Variants in NAALADL2 observed in about 807,000 individuals in gnomAD.
NAALADL2 encodes inactive N-acetylated-alpha-linked acidic dipeptidase-like protein 2.
Under a neutral mutation model 87.2 loss-of-function variants are expected in NAALADL2, and 76 were observed. The ratio of observed to expected loss-of-function variants is 0.87; its 90% confidence interval spans 0.72 to 1.05. The LOEUF is 1.05. Ranked by LOEUF, NAALADL2 falls within the 50% of genes least tolerant of loss-of-function variation. The probability of loss-of-function intolerance (pLI) is 0.00; values close to 1 mark genes in which losing one functional copy is unlikely to be tolerated. For synonymous variants in NAALADL2, 354 were observed against 331.0 expected, an observed-to-expected ratio of 1.07 and a Z score of -0.75; for missense variants, 1,089 against 945.8, an observed-to-expected ratio of 1.15 and a Z score of -1.99.
intron 2 of NAALADL2, among the ~76,000 whole-genome samples, chr3:175,214,404 G>A (rs1347144047): frequency 6.6e-6 from 1 of 152,116 alleles, no homozygotes; most frequent in Non-Finnish European, 1.5e-5. Flanking sequence ...GTAAAGGATG[G>A]ATTCCGTCAT....
chr3:174,882,844 C>CATATGTGTATATATACATATGTGT (rs1560319988), intron 1 of NAALADL2, among the ~76,000 whole-genome samples: 6 of 88,392 alleles, frequency 6.8e-5, no homozygotes, highest in Admixed American at 2.3e-4. Flanking sequence ...TGTATATGTG[C>CATATGTGTATATATACATATGTGT]ATATGTGTAT....
chr3:174,905,239 G>A (rs964061120), intron 1 of NAALADL2, among the ~76,000 whole-genome samples: 2 of 149,916 alleles, frequency 1.3e-5, no homozygotes, highest in African/African-American at 2.4e-5. Context: ...ATGATTATGC[G>A]TGTGTTGTAT....
chr3:175,366,026 C>A (rs1379602620), intron 5 of NAALADL2, among the ~76,000 whole-genome samples: 1 of 81,694 alleles, frequency 1.2e-5, no homozygotes, highest in Non-Finnish European at 2.4e-5. Context: ...CCCCCTCCCC[C>A]CACCCCAGAG....
intron 3 of NAALADL2, among the ~76,000 whole-genome samples, chr3:174,842,489 C>T (rs939851300): frequency 1.3e-5 from 2 of 152,138 alleles, no homozygotes; most frequent in Non-Finnish European, 2.9e-5. Flanking sequence ...AGTGGACTTA[C>T]ATGAAGGAAG....
At chr3:175,116,076 C>A (rs77608266) in intron 2 of NAALADL2, among the ~76,000 whole-genome samples, 1 of 151,810 alleles carries the variant, frequency 6.6e-6, no homozygotes, top group Non-Finnish European at 1.5e-5. Context: ...ATTGATGGGA[C>A]GTGTCTCAAA....
chr3:174,980,715 TATA>T (rs1744996958), intron 1 of NAALADL2, among the ~76,000 whole-genome samples: 1 of 152,182 alleles, frequency 6.6e-6, no homozygotes, highest in South Asian at 2.1e-4. Flanking sequence ...GATTTTTAAT[TATA>T]ATACATAGGG....
At chr3:174,647,882 C>G (rs1275582047) in intron 2 of NAALADL2, among the ~76,000 whole-genome samples, 1 of 152,126 alleles carries the variant, frequency 6.6e-6, no homozygotes, top group Non-Finnish European at 1.5e-5. Flanking sequence ...AAGTCTCATT[C>G]CAAAACATTC....
At chr3:175,434,086 A>G (rs1718235679) in intron 5 of NAALADL2, among the ~76,000 whole-genome samples, 1 of 152,016 alleles carries the variant, frequency 6.6e-6, no homozygotes, top group Admixed American at 6.6e-5. Flanking sequence ...TAATATTGTA[A>G]GAAACCAGGA....
intron 13 of NAALADL2, among the ~76,000 whole-genome samples, chr3:175,790,132 A>C (rs578193803): frequency 9.8e-5 from 15 of 152,310 alleles, no homozygotes; most frequent in African/African-American, 3.6e-4. Context: ...TTTTCTCTTC[A>C]TTTTGATAAC....
chr3:175,596,758 A>G (rs1424849807), intron 10 of NAALADL2, among the ~76,000 whole-genome samples: 4 of 151,930 alleles, frequency 2.6e-5, no homozygotes, highest in Admixed American at 6.6e-5. Flanking sequence ...TCAGTATGTA[A>G]TATTTTATGA....
At chr3:175,741,623 A>C (rs1745249343) in intron 12 of NAALADL2, among the ~76,000 whole-genome samples, 1 of 152,080 alleles carries the variant, frequency 6.6e-6, no homozygotes, top group South Asian at 2.1e-4. Flanking sequence ...AAAAACCATG[A>C]AAATATAACT....
chr3:174,721,566 A>G (rs1731713803), intron 2 of NAALADL2, among the ~76,000 whole-genome samples: 2 of 152,344 alleles, frequency 1.3e-5, no homozygotes, highest in South Asian at 2.1e-4. Flanking sequence ...TAATAAAATA[A>G]CGTTTGTGTC....
At chr3:175,187,187 A>G (rs1475954771) in intron 2 of NAALADL2, among the ~76,000 whole-genome samples, 2 of 152,092 alleles carry the variant, frequency 1.3e-5, no homozygotes, top group Non-Finnish European at 2.9e-5. Flanking sequence ...TATTTATTTG[A>G]TCATTCATTA....
At chr3:175,762,976 C>T (rs1583150642) in intron 13 of NAALADL2, among the ~76,000 whole-genome samples, 1 of 151,838 alleles carries the variant, frequency 6.6e-6, no homozygotes, top group African/African-American at 2.4e-5. Flanking sequence ...CCCAGGTACT[C>T]GGGAAGCTGA....
intron 2 of NAALADL2, among the ~76,000 whole-genome samples, chr3:174,596,286 C>T (rs528778900): frequency 6.6e-6 from 1 of 152,156 alleles, no homozygotes; most frequent in Non-Finnish European, 1.5e-5. Flanking sequence ...AATTCCTTAA[C>T]TTACTGGGCC....
At chr3:175,521,275 C>G (rs79632344) in intron 9 of NAALADL2, among the ~76,000 whole-genome samples, 8,785 of 151,738 alleles carry the variant, frequency 0.058, 318 homozygotes, top group African/African-American at 0.088. Flanking sequence ...ACTATTTTAA[C>G]TTGAGACAAA....
At position 175,667,189 on chromosome 3, in the gene NAALADL2, AAG is replaced by A. The variant is rs1491471102; in HGVS notation, c.1896+39805_1896+39806del. On this transcript the variant is annotated intron_variant, in intron 11 of 13. Coordinates refer to ENST00000454872, the MANE Select transcript of NAALADL2 (RefSeq NM_207015.3). ...AGAAAGAAAGAAAGAAAGAGAAAGA[AAG>A]AAAGAAAGAAAGAAAGAAAGAAAGA... is the stretch of plus-strand genomic sequence containing the variant. 5.9e-3 allele frequency among the ~76,000 whole-genome samples: 492 copies of A among 82,782 alleles called. 3 individuals are homozygous for A. Among genetic ancestry groups the A allele is most frequent in the African/African-American group, 0.033 (463 of 14,124 alleles). 54.3% of individuals were successfully genotyped at this position (82,782 alleles called of 152,430 possible).
chr3:175,001,607 C>T (rs1276983499), intron 1 of NAALADL2, among the ~76,000 whole-genome samples: 4 of 152,032 alleles, frequency 2.6e-5, no homozygotes, highest in East Asian at 3.9e-4. Context: ...CTTATCTGTT[C>T]ATTCCTTGTT....
chr3:174,870,346 A>C (rs1727666798), intron 1 of NAALADL2, among the ~76,000 whole-genome samples: 1 of 152,098 alleles, frequency 6.6e-6, no homozygotes, highest in Admixed American at 6.6e-5. Flanking sequence ...AATTTTGATA[A>C]TGGTATATTC....
Sources: allele counts gnomAD v4.1 joint callset (sites outside exome capture counted in the v4.1 genomes callset), GRCh38; gene constraint gnomAD v4.1.1; transcripts MANE v1.5; gene names NCBI Gene and HGNC (gene_info 2026-07-23, HGNC 2026-07-21).